The following DNAH17 variants were observed in gnomAD, a reference collection of about 807,000 sequenced individuals.
DNAH17 encodes the protein dynein axonemal heavy chain 17.
Under a neutral mutation model 485.6 loss-of-function variants are expected in DNAH17, and 376 were observed. The observed-to-expected ratio is 0.77, with a 90% CI of 0.71 to 0.84. The LOEUF is 0.84. Ranked by LOEUF, DNAH17 falls within the 40% of genes least tolerant of loss-of-function variation. The pLI is 0.00. For missense variants in DNAH17, 6,370 were observed against 5,839.3 expected, an observed-to-expected ratio of 1.09 and a Z score of -2.96; for synonymous variants, 3,031 against 2,405.9, an observed-to-expected ratio of 1.26 and a Z score of -7.60.
intron 53 of DNAH17, 88 bp downstream of exon 53, chr17:78,475,581 A>G: frequency 6.2e-7 from 1 of 1,601,966 alleles, no homozygotes; most frequent in South Asian, 1.1e-5. Context: ...GCAGCCCCAC[A>G]CAATGCCACT....
At chr17:78,458,737 T>C (rs1287072371) in intron 61 of DNAH17, 57 bp from the exon 62 acceptor site, 1 of 1,470,570 alleles carries the variant, frequency 6.8e-7, no homozygotes, top group Non-Finnish European at 9.5e-7. Flanking sequence ...TCTAGCCCCC[T>C]GCAGCGGCAG....
At chr17:78,472,637 G>A (rs1199661798) in intron 54 of DNAH17, 2 of 437,696 alleles carry the variant, frequency 4.6e-6, no homozygotes, top group South Asian at 1.6e-5. Flanking sequence ...TGTGTGGGGT[G>A]TGGGGAGGGG....
At position 78,437,973 on chromosome 17, in the gene DNAH17, C is replaced by T; in HGVS notation, c.11806-105G>A. ...CCCTGGTGAGGGCAGGGCTCTTCTG[C>T]CAGCACCCCACACTTGCCTGGTGCT... On this transcript the variant is annotated intron_variant, in intron 73 of 80. Coordinates refer to ENST00000389840, the MANE Select transcript of DNAH17 (RefSeq NM_173628.4). The T allele has an allele frequency of 1.6e-5, 13 of 803,420 alleles. No individual in the cohort carries two copies. In the South Asian group the frequency reaches 2.4e-4, roughly 15 times the overall value. The allele number at this position is 803,420 out of a possible 1,614,324, so 49.8% of individuals were successfully genotyped here.
chr17:78,484,762 G>A, intron 48 of DNAH17, 106 bp downstream of exon 48: 2 of 363,818 alleles, frequency 5.5e-6, no homozygotes, highest in Non-Finnish European at 7.6e-6. Context: ...CCCCACACCA[G>A]TCCTGCCCTA....
At chr17:78,507,131 C>T (rs2090506690) in intron 29 of DNAH17, 147 bp downstream of exon 29, 11 of 952,930 alleles carry the variant, frequency 1.2e-5, no homozygotes, top group Admixed American at 2.7e-5. Context: ...GTGTGTGCTC[C>T]CCAGGGAAAG....
rs1260100196 is a variant in DNAH17 at position 78,510,229 on chromosome 17, T to C, written c.4236+155A>G. ...CAAACAAATAGATTCCAGAATTATT[T>C]TTTAAGATTTGTCACAGGTTGGGTA... is the stretch of plus-strand genomic sequence containing the variant. On this transcript the variant is annotated intron_variant, in intron 27 of 80. Transcript: ENST00000389840. 2.0e-5 allele frequency among the ~76,000 whole-genome samples: 3 copies of C among 152,136 alleles called. No homozygotes were observed. The East Asian group carries it at 5.8e-4, about 29-fold the overall frequency.
At chr17:78,436,042 A>C (rs2146442074) in intron 74 of DNAH17, among the ~76,000 whole-genome samples, 1 of 152,352 alleles carries the variant, frequency 6.6e-6, no homozygotes, top group Admixed American at 6.5e-5. Flanking sequence ...TTTCCATATA[A>C]GTAGTTTTTA....
rs1247136742 is a variant in DNAH17 at position 78,491,646 on chromosome 17, CCTCT to C, written c.6542-80_6542-77del. 7.8e-6 allele frequency: 12 copies of C among 1,535,432 alleles called. No homozygotes were observed. In the East Asian group the frequency reaches 2.2e-4, roughly 28 times the overall value. On this transcript the variant is annotated intron_variant, in intron 42 of 80. Coordinates refer to ENST00000389840, the MANE Select transcript of DNAH17 (RefSeq NM_173628.4). ...CAGTCCCCACCAGTCCTGACCCTGG[CCTCT>C]CTCTCTGGGAGGGAGCCTGTCCCCT...
At chr17:78,465,080 G>A (rs1371176832) in intron 56 of DNAH17, among the ~76,000 whole-genome samples, 3 of 152,176 alleles carry the variant, frequency 2.0e-5, no homozygotes, top group Non-Finnish European at 2.9e-5. Flanking sequence ...GCCTGCGATT[G>A]CAGGCTCGCG....
intron 25 of DNAH17, among the ~76,000 whole-genome samples, chr17:78,517,598 C>G (rs532000075): frequency 2.6e-5 from 4 of 152,198 alleles, no homozygotes; most frequent in Non-Finnish European, 4.4e-5. Context: ...AGACTGCCCT[C>G]GTTTGGCAAA....
intron 13 of DNAH17, 79 bp from the exon 14 acceptor site, chr17:78,558,333 T>C (rs542155519): frequency 6.6e-7 from 1 of 1,524,944 alleles, no homozygotes; most frequent in Admixed American, 2.0e-5. Flanking sequence ...GAAATGAGCA[T>C]CTGCCCTGGG....
intron 71 of DNAH17, 53 bp from the exon 72 acceptor site, chr17:78,441,252 G>A (rs1003638179): frequency 6.3e-6 from 10 of 1,598,572 alleles, no homozygotes; most frequent in African/African-American, 2.7e-5. Context: ...GGGCCAGGGC[G>A]GGGCGCTCGG....
chr17:78,567,065 A>C lies in DNAH17; in HGVS notation c.1386T>G (p.Asp462Glu). The stretch of plus-strand genomic sequence containing the variant: ...AAACCTTCACCAGCTCAAAGACCTC[A>C]TCATAGATACGGGTCACCAGGCTCC... Reference protein sequence around the residue: ...LLGSLVTRIYDEVFELVKVFA... With the variant: ...LLGSLVTRIYEEVFELVKVFA... Residue 462 changes from aspartate (D) to glutamate (E), a missense_variant, in exon 10 of 81, where the codon GAT (aspartate) becomes GAG (glutamate). By Grantham distance (45) the Asp-to-Glu change is conservative. Coordinates refer to ENST00000389840, the MANE Select transcript of DNAH17 (RefSeq NM_173628.4). 6.2e-7 allele frequency: 1 copy of C among 1,613,750 alleles called. No homozygotes were observed.
At chr17:78,441,254 G>A (rs1175299754) in intron 71 of DNAH17, 55 bp from the exon 72 acceptor site, 10 of 1,598,976 alleles carry the variant, frequency 6.3e-6, no homozygotes, top group Admixed American at 1.7e-5. Flanking sequence ...GCCAGGGCGG[G>A]GCGCTCGGGG....
intron 77 of DNAH17, among the ~76,000 whole-genome samples, chr17:78,428,033 GA>G (rs1346920178): frequency 6.6e-6 from 1 of 151,158 alleles, no homozygotes; most frequent in African/African-American, 2.4e-5. Context: ...AGACAAGCGA[GA>G]ATTTGTTCAG....
chr17:78,563,928 T>G (rs1424612505), intron 11 of DNAH17, among the ~76,000 whole-genome samples: 1 of 147,690 alleles, frequency 6.8e-6, no homozygotes, highest in Non-Finnish European at 1.5e-5. Flanking sequence ...CCCCTCCGCT[T>G]TTCTTTGTTT....
chr17:78,542,234 G>C (rs563848960), intron 17 of DNAH17, among the ~76,000 whole-genome samples: 2 of 148,610 alleles, frequency 1.3e-5, no homozygotes, highest in East Asian at 3.9e-4. Context: ...TGCAACCTCC[G>C]CCTCCCAGGT....
intron 3 of DNAH17, among the ~76,000 whole-genome samples, chr17:78,572,451 G>A (rs1282007364): frequency 1.3e-5 from 2 of 152,146 alleles, no homozygotes; most frequent in Non-Finnish European, 2.9e-5. Context: ...ACCCAGCGGG[G>A]GGTGTGGGGT....
chr17:78,560,860 G>A lies in DNAH17; in HGVS notation c.1911C>T (p.Arg637=), dbSNP rs769472136. Reference sequence around the variant, plus strand: ...CCACCCACTGCTGGTAGATCTTCTCGCGGTGGCACCTCAGCAGCTCCATCA... The same window carrying A: ...CCACCCACTGCTGGTAGATCTTCTCACGGTGGCACCTCAGCAGCTCCATCA... ...DEMMELLRCH[R]EKIYQQWVAG... The change falls in exon 13 of 81, where the codon CGC becomes CGT. Residue 637 remains arginine (R), a synonymous_variant. Coordinates refer to ENST00000389840, the MANE Select transcript of DNAH17 (RefSeq NM_173628.4). 2.1e-5 allele frequency: 33 copies of A among 1,551,644 alleles called. No individual in the cohort carries two copies. The highest frequency in any genetic ancestry group is 9.8e-5 in the Admixed American group (5 of 50,994).
Sources: allele counts gnomAD v4.1 joint callset (sites outside exome capture counted in the v4.1 genomes callset), GRCh38; gene constraint gnomAD v4.1.1; transcripts MANE v1.5; gene names NCBI Gene and HGNC (gene_info 2026-07-23, HGNC 2026-07-21).